FRMD5: variants seen among roughly 807,000 people sequenced by gnomAD.
FRMD5 encodes the protein FERM domain containing 5, also known as FERM domain-containing protein 5.
A neutral mutation model predicts 69.0 loss-of-function variants in FRMD5; 20 were observed. The observed-to-expected ratio is 0.29, with a 90% CI of 0.20 to 0.42. FRMD5 has a LOEUF of 0.42. Ranked by LOEUF, FRMD5 falls within the 10% of genes least tolerant of loss-of-function variation. The pLI is 1.00. For missense variants in FRMD5, 595 were observed against 708.6 expected, an observed-to-expected ratio of 0.84 and a Z score of 1.82; for synonymous variants, 271 against 260.1, an observed-to-expected ratio of 1.04 and a Z score of -0.40.
chr15:44,106,118 C>A, intron 1 of FRMD5, among the ~76,000 whole-genome samples: 1 of 151,936 alleles, frequency 6.6e-6, no homozygotes, highest in Admixed American at 6.5e-5. Flanking sequence ...CATGGCTGTA[C>A]GATGTTTTAA....
intron 1 of FRMD5, among the ~76,000 whole-genome samples, chr15:44,186,133 G>A (rs2078097160): frequency 6.6e-6 from 1 of 152,034 alleles, no homozygotes; most frequent in South Asian, 2.1e-4. Flanking sequence ...CTCCACGTTG[G>A]TCAGGCTGGT....
intron 1 of FRMD5, among the ~76,000 whole-genome samples, chr15:44,189,274 AC>A (rs1426750875): frequency 7.9e-5 from 12 of 152,282 alleles, no homozygotes; most frequent in African/African-American, 2.9e-4. Flanking sequence ...CTGTTGAAAG[AC>A]CAATATAGGG....
intron 1 of FRMD5, among the ~76,000 whole-genome samples, chr15:43,933,037 C>T (rs919736948): frequency 6.6e-6 from 1 of 152,222 alleles, no homozygotes; most frequent in Non-Finnish European, 1.5e-5. Context: ...ACAAAAGCCA[C>T]GTTTATGCCT....
chr15:43,979,210 G>A (rs2090510511), intron 1 of FRMD5, among the ~76,000 whole-genome samples: 1 of 152,032 alleles, frequency 6.6e-6, no homozygotes, highest in African/African-American at 2.4e-5. Context: ...GTCATGGCAG[G>A]TGCCTGTATC....
chr15:43,907,849 C>T (rs1348934914), intron 5 of FRMD5, among the ~76,000 whole-genome samples: 1 of 151,956 alleles, frequency 6.6e-6, no homozygotes, highest in African/African-American at 2.4e-5. Flanking sequence ...ACTCTGTTGC[C>T]CAGGCTGGTC....
In FRMD5 at chr15:43,872,328, C is replaced by G. The variant is rs1292690767; in HGVS notation, c.*1557G>C. On this transcript the variant is annotated 3_prime_UTR_variant, in exon 14 of 14. Transcript: ENST00000417257. ...AGGTCAAGTCTACAAGTGACTTGTT[C>G]TGTTCTGCGTTTGGGGCTGTCCAAT... is the stretch of plus-strand genomic sequence containing the variant. 1 of 152,132 alleles carries G rather than the reference C, an allele frequency of 6.6e-6. No homozygotes were observed. The highest frequency in any genetic ancestry group is 1.5e-5 in the Non-Finnish European group (1 of 68,038). 9.4% of individuals were successfully genotyped at this position (152,132 alleles called of 1,614,324 possible). A position where few individuals can be genotyped will look rare whatever the true frequency, so the allele number is the denominator to read the frequency against.
chr15:44,129,521 T>C (rs1273474658), intron 1 of FRMD5, among the ~76,000 whole-genome samples: 1 of 151,380 alleles, frequency 6.6e-6, no homozygotes, highest in African/African-American at 2.4e-5. Flanking sequence ...TCAGAGGCAC[T>C]TTTTTTTTAA....
intron 1 of FRMD5, among the ~76,000 whole-genome samples, chr15:44,183,853 G>A (rs1179326464): frequency 6.6e-6 from 1 of 151,934 alleles, no homozygotes; most frequent in Non-Finnish European, 1.5e-5. Context: ...GTGGTGACTT[G>A]AGCCTACAGT....
intron 1 of FRMD5, among the ~76,000 whole-genome samples, chr15:44,076,870 G>A (rs549557287): frequency 2.4e-4 from 37 of 151,884 alleles, no homozygotes; most frequent in African/African-American, 8.2e-4. Context: ...TCATCTCTCA[G>A]TCTGAGATGT....
intron 1 of FRMD5, among the ~76,000 whole-genome samples, chr15:44,154,364 TA>T (rs964914730): frequency 5.4e-5 from 8 of 148,564 alleles, no homozygotes; most frequent in Middle Eastern, 3.5e-3. Context: ...GAAAAAACTT[TA>T]AAAAAAAAAG....
intron 1 of FRMD5, among the ~76,000 whole-genome samples, chr15:43,959,258 TG>T (rs1391687843): frequency 6.6e-6 from 1 of 152,212 alleles, no homozygotes; most frequent in Non-Finnish European, 1.5e-5. Flanking sequence ...ACTGCCAGAA[TG>T]ATAAATTTAA....
intron 1 of FRMD5, among the ~76,000 whole-genome samples, chr15:44,034,657 C>T (rs560776794): frequency 4.6e-5 from 7 of 152,332 alleles, no homozygotes; most frequent in Admixed American, 2.0e-4. Flanking sequence ...AGCAGGAAGA[C>T]GTAAGGCTTG....
intron 1 of FRMD5, among the ~76,000 whole-genome samples, chr15:44,054,854 G>A (rs749639825): frequency 1.3e-5 from 2 of 151,926 alleles, no homozygotes; most frequent in Admixed American, 6.6e-5. Context: ...GGCACATCAC[G>A]AGGTCAGGAG....
chr15:43,943,007 C>T (rs767307238), intron 1 of FRMD5, among the ~76,000 whole-genome samples: 6 of 152,086 alleles, frequency 3.9e-5, no homozygotes, highest in Admixed American at 6.6e-5. Flanking sequence ...TTTGGGAGGC[C>T]GAGGTGGGCA....
intron 1 of FRMD5, among the ~76,000 whole-genome samples, chr15:44,163,819 T>C (rs1219386648): frequency 6.6e-6 from 1 of 152,226 alleles, no homozygotes; most frequent in Non-Finnish European, 1.5e-5. Flanking sequence ...TCTAAGATTT[T>C]TAATAAGGCC....
chr15:44,025,270 G>A (rs1018252729), intron 1 of FRMD5, among the ~76,000 whole-genome samples: 3 of 152,174 alleles, frequency 2.0e-5, no homozygotes, highest in Admixed American at 1.3e-4. Context: ...CTATTGGAAT[G>A]TAGACATGGG....
At chr15:44,088,191 A>G (rs914303753) in intron 1 of FRMD5, among the ~76,000 whole-genome samples, 2 of 152,186 alleles carry the variant, frequency 1.3e-5, no homozygotes, top group African/African-American at 4.8e-5. Context: ...AACATATAAA[A>G]TTCAATGGTT....
At chr15:43,880,838 C>T (rs190185194) in intron 13 of FRMD5, among the ~76,000 whole-genome samples, 49 of 152,312 alleles carry the variant, frequency 3.2e-4, no homozygotes, top group Middle Eastern at 3.4e-3. Context: ...CCCCACTGTA[C>T]GTCTCTTTGC....
At position 43,887,619 on chromosome 15, in the gene FRMD5, G is replaced by T. The variant is rs150675682; in HGVS notation, c.884+556C>A. 2.7e-3 allele frequency among the ~76,000 whole-genome samples: 405 copies of T among 152,334 alleles called. 1 individual carries two copies. Among genetic ancestry groups the T allele is most frequent in the African/African-American group, 9.2e-3 (382 of 41,578 alleles). ...TGGGAGGACCCAGTTCTGCCAGCCA[G>T]CATCCCATAGCAGCCAGCAGGCAGC... On this transcript the variant is annotated intron_variant, in intron 10 of 13. Coordinates refer to ENST00000417257, the MANE Select transcript of FRMD5 (RefSeq NM_032892.5).
Sources: gnomAD v4.1 joint callset for allele counts (sites outside exome capture counted in the v4.1 genomes callset) on GRCh38, gnomAD v4.1.1 for gene constraint, MANE v1.5 for transcripts, NCBI Gene and HGNC (gene_info 2026-07-23, HGNC 2026-07-21) for gene names.